MFAP3L: variants seen among roughly 807,000 people sequenced by gnomAD.
MFAP3L encodes microfibrillar-associated protein 3-like.
A neutral mutation model predicts 20.0 loss-of-function variants in MFAP3L; 5 were observed. The ratio of observed to expected loss-of-function variants is 0.25; its 90% confidence interval spans 0.13 to 0.53. The LOEUF (loss-of-function observed/expected upper bound fraction) is 0.53. Ranked by LOEUF, MFAP3L falls within the 20% of genes least tolerant of loss-of-function variation. The pLI is 0.96. For missense variants in MFAP3L, 409 were observed against 527.5 expected, an observed-to-expected ratio of 0.78 and a Z score of 2.20; for synonymous variants, 219 against 213.0, an observed-to-expected ratio of 1.03 and a Z score of -0.25.
At chr4:170,023,867 G>A (rs1477994197) in intron 1 of MFAP3L, among the ~76,000 whole-genome samples, 1 of 152,194 alleles carries the variant, frequency 6.6e-6, no homozygotes, top group Non-Finnish European at 1.5e-5. Context: ...AATGCCTCGA[G>A]TATTTAAATT....
At chr4:170,022,784 G>A (rs531241556) in intron 1 of MFAP3L, among the ~76,000 whole-genome samples, 2 of 152,174 alleles carry the variant, frequency 1.3e-5, no homozygotes, top group East Asian at 3.9e-4. Context: ...ACAAGGAATG[G>A]GGGTGGCCTC....
chr4:170,016,612 C>T (rs944384020), intron 1 of MFAP3L, among the ~76,000 whole-genome samples: 13 of 152,204 alleles, frequency 8.5e-5, no homozygotes, highest in South Asian at 4.1e-4. Context: ...GGGCTCCTGT[C>T]GTTGCCGCTG....
intron 2 of MFAP3L, among the ~76,000 whole-genome samples, chr4:169,995,846 C>CAGTAGCAG (rs1321798705): frequency 1.3e-5 from 2 of 152,194 alleles, no homozygotes; most frequent in Non-Finnish European, 2.9e-5. Flanking sequence ...CCCAAAATGT[C>CAGTAGCAG]AGTAGCAGAT....
In MFAP3L at chr4:170,009,063, G is replaced by C. The variant is rs144634516; in HGVS notation, c.-133-3053C>G. ...GCAAATGTACCTTTTCAGCTTGTTG[G>C]ATTAGGATCTTACAGACAGCACCAT... On this transcript the variant is annotated intron_variant, in intron 1 of 2. Coordinates refer to ENST00000361618, the MANE Select transcript of MFAP3L (RefSeq NM_021647.8). Among the ~76,000 whole-genome samples, 489 of 152,248 alleles carry C rather than the reference G, an allele frequency of 3.2e-3. 5 individuals carry two copies. The highest frequency in any genetic ancestry group is 0.01 in the African/African-American group (436 of 41,552).
chr4:170,015,239 C>T (rs553796523), intron 1 of MFAP3L, among the ~76,000 whole-genome samples: 13 of 152,292 alleles, frequency 8.5e-5, no homozygotes, highest in East Asian at 3.9e-4. Context: ...TAGGAGATGA[C>T]GCCTGGGAGT....
intron 1 of MFAP3L, among the ~76,000 whole-genome samples, chr4:170,012,207 C>G (rs1739427516): frequency 6.6e-6 from 1 of 152,134 alleles, no homozygotes; most frequent in African/African-American, 2.4e-5. Flanking sequence ...GAACGGGGGC[C>G]TGAACCAAAA....
At position 169,991,545 on chromosome 4, in the gene MFAP3L, CG is replaced by C. The variant is rs752572476; in HGVS notation, c.1062del (p.Glu355LysfsTer14). 1.2e-6 allele frequency: 2 copies of C among 1,614,090 alleles called. No homozygotes were observed. Among genetic ancestry groups the C allele is most frequent in the Admixed American group, 3.3e-5 (2 of 60,008 alleles). On this transcript the variant is annotated frameshift_variant, in exon 3 of 3. Transcript: ENST00000361618. LOFTEE classifies it high-confidence loss of function. The surrounding 1 kb of genome is among the most constrained non-coding windows in gnomAD (Gnocchi z 4.9). ...ACATCGGTAGAAGGTTCTGCAGTTTCGGGGGAATGTTCCGCCGACAGTTCTG... is the reference window on the plus strand; with the variant it reads ...ACATCGGTAGAAGGTTCTGCAGTTTCGGGGAATGTTCCGCCGACAGTTCTG... ...EETELSAEHS[P>X]ETAEPSTDVT...
At chr4:170,013,982 C>A (rs190479879) in intron 1 of MFAP3L, among the ~76,000 whole-genome samples, 7 of 152,292 alleles carry the variant, frequency 4.6e-5, no homozygotes, top group Admixed American at 2.6e-4. Flanking sequence ...GATGCAGGGG[C>A]CTTTATGCTG....
intron 1 of MFAP3L, 77 bp downstream of exon 1, chr4:170,026,157 A>T: frequency 1.1e-6 from 1 of 875,944 alleles, no homozygotes; most frequent in Non-Finnish European, 1.4e-6. Flanking sequence ...CCCGGCGCCG[A>T]CTCGGCCGCC....
intron 1 of MFAP3L, among the ~76,000 whole-genome samples, chr4:170,010,849 A>G (rs1424216896): frequency 3.3e-5 from 5 of 152,126 alleles, no homozygotes; most frequent in Admixed American, 6.5e-5. Context: ...TCAAGCATCA[A>G]CTATACTGAA....
rs1217380903 is a variant in MFAP3L, at chr4:169,988,816, A to T, written c.*2562T>A. ...AAGAGGGAGAAAGTTTTGAAAATCT[A>T]CATAAGCTCTCCCCACTGCAGTCTA... On this transcript the variant is annotated 3_prime_UTR_variant, in exon 3 of 3. Coordinates refer to ENST00000361618, the MANE Select transcript of MFAP3L (RefSeq NM_021647.8). The T allele has an allele frequency of 6.6e-6, 1 of 152,208 alleles. No homozygotes were observed. Among genetic ancestry groups the T allele is most frequent in the East Asian group, 1.9e-4 (1 of 5,202 alleles). The allele number at this position is 152,208 out of a possible 1,614,324, so 9.4% of individuals were successfully genotyped here. A position where few individuals can be genotyped will look rare whatever the true frequency, so the allele number is the denominator to read the frequency against.
intron 2 of MFAP3L, chr4:169,994,161 G>A (rs986130123): frequency 1.0e-6 from 1 of 984,270 alleles, no homozygotes. Flanking sequence ...GGGTTCTAGA[G>A]ACTTACAGGC....
chr4:169,996,083 A>T (rs1738142002), intron 2 of MFAP3L, among the ~76,000 whole-genome samples: 1 of 139,384 alleles, frequency 7.2e-6, no homozygotes, highest in South Asian at 2.2e-4. Flanking sequence ...AGTGATGCAC[A>T]CCTGAGGCTT....
At chr4:170,024,876 T>C (rs1740254642) in intron 1 of MFAP3L, among the ~76,000 whole-genome samples, 2 of 152,178 alleles carry the variant, frequency 1.3e-5, no homozygotes, top group Admixed American at 1.3e-4. Context: ...CACAACTCAA[T>C]GAAAAGTCAA....
chr4:170,026,506 C>A, upstream of MFAP3L: 2 of 154,520 alleles, frequency 1.3e-5, no homozygotes, highest in South Asian at 1.8e-4. Context: ...GCCGGGTTTT[C>A]GCGGCAGCCG....
chr4:170,025,548 G>A (rs1358907992), intron 1 of MFAP3L, among the ~76,000 whole-genome samples: 1 of 151,944 alleles, frequency 6.6e-6, no homozygotes, highest in Non-Finnish European at 1.5e-5. Context: ...TTTTTTCAGG[G>A]CTGGAGAAGA....
chr4:170,026,019 C>G (rs958992892), intron 1 of MFAP3L, among the ~76,000 whole-genome samples: 2 of 152,136 alleles, frequency 1.3e-5, no homozygotes, highest in African/African-American at 4.8e-5. Flanking sequence ...AAACGGCCAG[C>G]CCCCGCCCCG....
rs1358177782 is a variant in MFAP3L, at chr4:169,992,608, G to A, written c.299-299C>T. ...CCGGCTTGGAAGCCGTAGAACTGAA[G>A]ATGAACTTGAGTTCCAGAGGCTGCA... On this transcript the variant is annotated intron_variant, in intron 2 of 2. Transcript: ENST00000361618. This position sits in a 1 kb window ranked among gnomAD's most constrained non-coding sequence, Gnocchi z 4.3. Among the ~76,000 whole-genome samples, 3 of 152,208 alleles carry A rather than the reference G, an allele frequency of 2.0e-5. No homozygotes were observed. The highest frequency in any genetic ancestry group is 4.4e-5 in the Non-Finnish European group (3 of 68,036).
At chr4:170,018,828 C>G (rs536550077) in intron 1 of MFAP3L, among the ~76,000 whole-genome samples, 42 of 152,296 alleles carry the variant, frequency 2.8e-4, no homozygotes, top group South Asian at 2.1e-4. Flanking sequence ...CGTAGGGCTG[C>G]CAGCAGAAAT....
Sources: gnomAD v4.1 joint callset for allele counts (sites outside exome capture counted in the v4.1 genomes callset) on GRCh38, gnomAD v4.1.1 for gene constraint, Gnocchi (gnomAD v3.1) non-coding constraint, MANE v1.5 for transcripts, NCBI Gene and HGNC (gene_info 2026-07-23, HGNC 2026-07-21) for gene names.